Variants in CEP63 observed in about 807,000 individuals in gnomAD.
The protein encoded by CEP63 is centrosomal protein of 63 kDa.
A neutral mutation model predicts 89.1 loss-of-function variants in CEP63; 84 were observed. The observed-to-expected ratio is 0.94, with a 90% CI of 0.79 to 1.13. The LOEUF is 1.13. CEP63 is among the 50% of genes most tolerant of loss of function. The probability of loss-of-function intolerance (pLI) is 0.00; values close to 1 mark genes in which losing one functional copy is unlikely to be tolerated. For synonymous variants in CEP63, 267 were observed against 272.5 expected, an observed-to-expected ratio of 0.98 and a Z score of 0.20; for missense variants, 838 against 813.3, an observed-to-expected ratio of 1.03 and a Z score of -0.37.
At chr3:134,553,557 G>T (rs1367400566) in intron 12 of CEP63, 1 of 151,984 alleles carries the variant, frequency 6.6e-6, no homozygotes, top group Admixed American at 6.6e-5. Flanking sequence ...AGTAAACAAA[G>T]AAAACTGTTC....
intron 14 of CEP63, among the ~76,000 whole-genome samples, chr3:134,559,863 G>A (rs552011481): frequency 6.6e-6 from 1 of 152,280 alleles, no homozygotes; most frequent in South Asian, 2.1e-4. Context: ...AGCATGGCTT[G>A]GGGGTCACAG....
the CEP63 span, chr3:134,607,302 G>A: frequency 1.1e-5 from 11 of 985,412 alleles, no homozygotes; most frequent in Non-Finnish European, 1.2e-5. Context: ...CTTGGCAAAG[G>A]AAGTCATTGT....
At chr3:134,532,053 A>T (rs77413874) in intron 4 of CEP63, 113 bp downstream of exon 4, 1 of 674,388 alleles carries the variant, frequency 1.5e-6, no homozygotes, top group African/African-American at 1.8e-5. Context: ...TACATACTCC[A>T]TCAAAGATAC....
chr3:134,781,862 C>G, the CEP63 span, among the ~76,000 whole-genome samples: 1 of 152,062 alleles, frequency 6.6e-6, no homozygotes, highest in Admixed American at 6.5e-5. Context: ...TCTTTCTGTC[C>G]TCTCCTTATA....
chr3:134,514,325 G>A (rs1158584335), intron 3 of CEP63, among the ~76,000 whole-genome samples: 2 of 152,048 alleles, frequency 1.3e-5, no homozygotes, highest in African/African-American at 2.4e-5. Flanking sequence ...AAGGATATGA[G>A]AAAGAGAAGA....
At chr3:134,664,823 C>G in the CEP63 span, among the ~76,000 whole-genome samples, 1 of 152,106 alleles carries the variant, frequency 6.6e-6, no homozygotes, top group Admixed American at 6.5e-5. Flanking sequence ...CTGCCTGAAG[C>G]TGCTGCTCTG....
the CEP63 span, among the ~76,000 whole-genome samples, chr3:134,702,095 G>A: frequency 4.7e-4 from 71 of 152,164 alleles, no homozygotes; most frequent in African/African-American, 1.5e-3. Flanking sequence ...GCCAAATCAC[G>A]AATGAACTTC....
At position 134,562,311 on chromosome 3, in the gene CEP63, A is replaced by G. The variant is rs1053440439; in HGVS notation, c.*776A>G. The G allele has an allele frequency of 2.5e-6, 2 of 789,500 alleles. No individual in the cohort carries two copies. The highest frequency in any genetic ancestry group is 1.9e-5 in the African/African-American group (1 of 53,318). The allele number at this position is 789,500 out of a possible 1,614,324, so 48.9% of individuals were successfully genotyped here. Reference sequence around the variant, plus strand: ...ATAAGATCCACCAGGGAGGCTGTGGAGAGAGAGAGGAGCAGGAGGCTGGGT... The same window carrying G: ...ATAAGATCCACCAGGGAGGCTGTGGGGAGAGAGAGGAGCAGGAGGCTGGGT... On this transcript the variant is annotated 3_prime_UTR_variant, in exon 15 of 15. Transcript: ENST00000675561.
chr3:134,681,451 C>T, the CEP63 span, among the ~76,000 whole-genome samples: 1 of 152,090 alleles, frequency 6.6e-6, no homozygotes, highest in East Asian at 1.9e-4. Flanking sequence ...TCTATGAGGC[C>T]CTGAACCCAC....
chr3:134,645,382 C>T, the CEP63 span, among the ~76,000 whole-genome samples: 1 of 152,206 alleles, frequency 6.6e-6, no homozygotes, highest in Non-Finnish European at 1.5e-5. Flanking sequence ...TGCTCAGCAG[C>T]ATCTGTGTGC....
chr3:134,536,741 A>G lies in CEP63; in HGVS notation c.442-414A>G, dbSNP rs562364715. 2.8e-4 allele frequency: 80 copies of G among 288,982 alleles called. 1 individual carries two copies. Among genetic ancestry groups the G allele is most frequent in the South Asian group, 2.5e-3 (74 of 29,214 alleles). The allele number at this position is 288,982 out of a possible 1,614,324, so 17.9% of individuals were successfully genotyped here. A position where few individuals can be genotyped will look rare whatever the true frequency, so the allele number is the denominator to read the frequency against. On this transcript the variant is annotated intron_variant, in intron 5 of 14. Coordinates refer to ENST00000675561, the MANE Select transcript of CEP63 (RefSeq NM_001353108.3). The stretch of plus-strand genomic sequence containing the variant: ...CTTATCTGAAAATTTAATCTGTTCA[A>G]TTCCTGGGTCTGGATATCAAGAATT...
chr3:134,691,576 C>G, the CEP63 span, among the ~76,000 whole-genome samples: 2 of 151,756 alleles, frequency 1.3e-5, no homozygotes, highest in Non-Finnish European at 2.9e-5. Context: ...TGAGATCACA[C>G]CACTGCTCTT....
At chr3:134,775,991 T>C in the CEP63 span, among the ~76,000 whole-genome samples, 22 of 152,318 alleles carry the variant, frequency 1.4e-4, no homozygotes, top group East Asian at 4.2e-3. Flanking sequence ...TTGCCAGGTA[T>C]TACCAATATA....
chr3:134,735,262 G>A, the CEP63 span, among the ~76,000 whole-genome samples: 1 of 152,082 alleles, frequency 6.6e-6, no homozygotes, highest in African/African-American at 2.4e-5. Flanking sequence ...CTCACACACA[G>A]ATCAATGAAT....
the CEP63 span, among the ~76,000 whole-genome samples, chr3:134,640,725 C>T: frequency 2.2e-4 from 33 of 152,314 alleles, no homozygotes; most frequent in Non-Finnish European, 4.1e-4. Flanking sequence ...CTTTCCCAAC[C>T]TGCTCTTCCT....
chr3:134,604,268 G>A, the CEP63 span: 1 of 1,613,990 alleles, frequency 6.2e-7, no homozygotes, highest in South Asian at 1.1e-5. Flanking sequence ...TTGCACTTGA[G>A]CGTGTACTCC....
chr3:134,574,268 G>A (rs73863825), intron 11 of CEP63, among the ~76,000 whole-genome samples: 2,472 of 152,280 alleles, frequency 0.016, 69 homozygotes, highest in African/African-American at 0.057. Context: ...CTTCTGCAGG[G>A]AGACCAGACA....
chr3:134,503,121 G>GTTT (rs1942485826), intron 2 of CEP63, among the ~76,000 whole-genome samples: 1 of 43,084 alleles, frequency 2.3e-5, no homozygotes. Flanking sequence ...TTTTTTTTTT[G>GTTT]TCTTTGTGCT....
At chr3:134,720,937 C>A in the CEP63 span, among the ~76,000 whole-genome samples, 1 of 152,042 alleles carries the variant, frequency 6.6e-6, no homozygotes, top group African/African-American at 2.4e-5. Flanking sequence ...TTTCCTTTTT[C>A]AAGATTGTTT....
Sources: allele counts gnomAD v4.1 joint callset (sites outside exome capture counted in the v4.1 genomes callset), GRCh38; gene constraint gnomAD v4.1.1; transcripts MANE v1.5; gene names NCBI Gene and HGNC (gene_info 2026-07-23, HGNC 2026-07-21).